KIAA0319: variants seen among roughly 807,000 people sequenced by gnomAD.
The protein encoded by KIAA0319 is dyslexia-associated protein KIAA0319.
Under a neutral mutation model 108.4 loss-of-function variants are expected in KIAA0319, and 83 were observed. The ratio of observed to expected loss-of-function variants is 0.77; its 90% CI spans 0.64 to 0.92. The LOEUF (loss-of-function observed/expected upper bound fraction) is 0.92, where lower values mean the gene tolerates loss of function less well. KIAA0319 is among the 40% of genes least tolerant of loss of function. KIAA0319 has a pLI of 0.00. For synonymous variants in KIAA0319, 484 were observed against 510.4 expected, an observed-to-expected ratio of 0.95 and a Z score of 0.70; for missense variants, 1,195 against 1,322.4, an observed-to-expected ratio of 0.90 and a Z score of 1.49.
At chr6:24,550,440 A>T (rs1192536021) in intron 20 of KIAA0319, among the ~76,000 whole-genome samples, 3 of 152,246 alleles carry the variant, frequency 2.0e-5, no homozygotes, top group Non-Finnish European at 4.4e-5. Context: ...AAATCTATAG[A>T]ATCGGTGTTT....
chr6:24,645,001 G>A (rs2127607912), intron 1 of KIAA0319, among the ~76,000 whole-genome samples: 1 of 152,170 alleles, frequency 6.6e-6, no homozygotes, highest in African/African-American at 2.4e-5. Flanking sequence ...CTACAATTGT[G>A]GTCTTCTTAT....
In KIAA0319 at chr6:24,551,441, G is replaced by C. The variant is rs1374373835; in HGVS notation, c.3033C>G (p.Pro1011=). 3.1e-6 allele frequency: 5 copies of C among 1,606,804 alleles called. No individual in the cohort carries two copies. The African/African-American group carries it at 6.7e-5, about 21-fold the overall frequency. ...TTCTGCAGACTGTCTTACCATATTT[G>C]GGCCTCAGTTCCATTCTTTCCTGTT... ...MDEQERMELR[P]KYGIKHRSTE... The change falls in exon 20 of 21, where the codon CCC becomes CCG. Residue 1011 remains proline, a synonymous_variant. Transcript: ENST00000378214.
Position 24,579,933 on chromosome 6 carries a change from G to T in KIAA0319, c.1297C>A (p.Pro433Thr). 1 of 1,594,920 alleles carries T rather than the reference G, an allele frequency of 6.3e-7. No individual in the cohort carries two copies. Among genetic ancestry groups the T allele is most frequent in the Non-Finnish European group, 8.5e-7 (1 of 1,170,054 alleles). Residue 433 changes from proline (P) to threonine (T), a missense_variant, in exon 8 of 21, where the codon CCA becomes ACA. Transcript: ENST00000378214. ...TGGGGAGAAACAACTGCTACAGGTG[G>T]CAGGTTGACTCTTCTGGCTGTAACA... ...TVKPARRVNL[P>T]PVAVVSPQLQ...
At chr6:24,563,805 A>G (rs1218342106) in intron 15 of KIAA0319, among the ~76,000 whole-genome samples, 5 of 152,160 alleles carry the variant, frequency 3.3e-5, no homozygotes, top group African/African-American at 1.2e-4. Flanking sequence ...ACATTTTCCC[A>G]GGACCAGAAA....
chr6:24,595,782 GAAT>G (rs1467291369), intron 3 of KIAA0319, 88 bp downstream of exon 3: 7 of 1,427,908 alleles, frequency 4.9e-6, no homozygotes, highest in Middle Eastern at 2.3e-4. Context: ...CATACAGCCT[GAAT>G]GAGTGCCCGG....
At position 24,582,251 on chromosome 6, in the gene KIAA0319, G is replaced by T. The variant is rs777282796; in HGVS notation, c.1189C>A (p.Gln397Lys). The T allele has an allele frequency of 3.1e-5, 49 of 1,565,242 alleles. No individual in the cohort carries two copies. In the Admixed American group the frequency reaches 7.8e-4, roughly 25 times the overall value. ...ACAACCAGTCTCCAGTTACTTACTT[G>T]AGAGAGGTTAAGAGTTTGCTTGTGT... ...QGHKQTLNLS[Q>K]LSVGLYVFKV... Residue 397 changes from glutamine to lysine, a missense_variant and splice_region_variant, in exon 6 of 21, where the codon CAA becomes AAA. Gln to Lys is a moderately conservative substitution (Grantham distance 53). Coordinates refer to ENST00000378214, the MANE Select transcript of KIAA0319 (RefSeq NM_014809.4).
intron 1 of KIAA0319, among the ~76,000 whole-genome samples, chr6:24,615,476 G>T (rs982212553): frequency 1.3e-5 from 2 of 152,038 alleles, no homozygotes; most frequent in African/African-American, 4.8e-5. Flanking sequence ...CAAACTAAGA[G>T]AAGTGATTAT....
At chr6:24,549,602 G>T (rs1761171565) in intron 20 of KIAA0319, among the ~76,000 whole-genome samples, 1 of 152,174 alleles carries the variant, frequency 6.6e-6, no homozygotes, top group South Asian at 2.1e-4. Flanking sequence ...CACCAGCTAT[G>T]TTACTTGGGC....
chr6:24,560,206 T>C (rs1277207096), intron 16 of KIAA0319, among the ~76,000 whole-genome samples: 2 of 152,246 alleles, frequency 1.3e-5, no homozygotes, highest in Non-Finnish European at 2.9e-5. Flanking sequence ...TTCATTTTTA[T>C]TGAGTATATA....
chr6:24,555,253 C>T (rs2744608), intron 18 of KIAA0319, among the ~76,000 whole-genome samples: 44,664 of 152,046 alleles, frequency 0.29, 7,875 homozygotes, highest in African/African-American at 0.5. Context: ...TCCCAACACT[C>T]TGGGAGGCCG....
intron 20 of KIAA0319, among the ~76,000 whole-genome samples, chr6:24,548,597 G>A (rs947278679): frequency 6.6e-6 from 1 of 152,206 alleles, no homozygotes; most frequent in Non-Finnish European, 1.5e-5. Flanking sequence ...GCTGTCTCCT[G>A]TCTCTATCAG....
chr6:24,627,710 G>A (rs1023622254), intron 1 of KIAA0319, among the ~76,000 whole-genome samples: 5 of 152,274 alleles, frequency 3.3e-5, no homozygotes, highest in South Asian at 2.1e-4. Context: ...TTCCTACTCC[G>A]TAAATGGGAA....
In KIAA0319 at chr6:24,595,908, G is replaced by C. The variant is rs1769467234; in HGVS notation, c.766C>G (p.Leu256Val). 1 of 1,611,162 alleles carries C rather than the reference G, an allele frequency of 6.2e-7. No individual in the cohort carries two copies. Residue 256 changes from leucine (L) to valine (V), a missense_variant, in exon 3 of 21, where the codon CTC becomes GTC. Transcript: ENST00000378214. ...EVLEKEKASQLQEQSSNSSGK... is the reference protein window; with the variant it reads ...EVLEKEKASQVQEQSSNSSGK... ...GAGCTGTTGCTGGATTGTTCCTGGA[G>C]CTGAGAAGCCTTTTCTTTCTCCAAC...
chr6:24,595,570 A>AAAAAAG (rs1769410446), intron 3 of KIAA0319, among the ~76,000 whole-genome samples: 5 of 150,724 alleles, frequency 3.3e-5, no homozygotes, highest in African/African-American at 7.3e-5. Flanking sequence ...AAAAAAAAAA[A>AAAAAAG]CGCTACAGGC....
At chr6:24,608,079 A>G (rs10946707) in intron 1 of KIAA0319, among the ~76,000 whole-genome samples, 4,717 of 152,322 alleles carry the variant, frequency 0.031, 121 homozygotes, top group Middle Eastern at 0.085. Flanking sequence ...GACTATAGCA[A>G]TAAAAAATAC....
intron 1 of KIAA0319, among the ~76,000 whole-genome samples, chr6:24,612,464 A>C (rs978857563): frequency 6.6e-6 from 1 of 152,188 alleles, no homozygotes; most frequent in Non-Finnish European, 1.5e-5. Context: ...AATAAAGAAA[A>C]AGAAAAGATG....
intron 1 of KIAA0319, among the ~76,000 whole-genome samples, chr6:24,625,838 G>T (rs1337072847): frequency 1.3e-5 from 2 of 152,184 alleles, no homozygotes; most frequent in East Asian, 3.8e-4. Flanking sequence ...CAAAGAGTAA[G>T]TACTTAGGAA....
chr6:24,570,268 GACAC>G (rs1764511896), intron 11 of KIAA0319, among the ~76,000 whole-genome samples: 2 of 152,134 alleles, frequency 1.3e-5, no homozygotes, highest in African/African-American at 4.8e-5. Context: ...GTCTCTAATA[GACAC>G]ATCTTTGGTT....
chr6:24,600,569 A>C (rs1456490426), intron 2 of KIAA0319: 2 of 929,756 alleles, frequency 2.2e-6, no homozygotes, highest in Non-Finnish European at 3.4e-6. Flanking sequence ...CAAACTGTAC[A>C]TAACAGTTTT....
Sources: allele counts gnomAD v4.1 joint callset (sites outside exome capture counted in the v4.1 genomes callset), GRCh38; gene constraint gnomAD v4.1.1; transcripts MANE v1.5; gene names NCBI Gene and HGNC (gene_info 2026-07-23, HGNC 2026-07-21).